Variants in WDR75 observed in about 807,000 individuals in gnomAD.
The protein encoded by WDR75 is WD repeat domain 75, also known as WD repeat-containing protein 75.
In WDR75, 52 loss-of-function variants were observed where a neutral mutation model predicts 106.1. That is an observed-to-expected ratio of 0.49 (90% CI 0.39 to 0.62). The LOEUF is 0.62. WDR75 is among the 20% of genes least tolerant of loss of function. WDR75 has a pLI of 0.00. For synonymous variants in WDR75, 333 were observed against 335.5 expected, an observed-to-expected ratio of 0.99 and a Z score of 0.08; for missense variants, 905 against 970.3, an observed-to-expected ratio of 0.93 and a Z score of 0.89.
intron 20 of WDR75, 110 bp downstream of exon 20, chr2:189,474,918 G>A (rs1687183409): frequency 2.2e-6 from 2 of 920,066 alleles, no homozygotes; most frequent in Admixed American, 5.5e-5. Flanking sequence ...TATTTCATAA[G>A]TTTTAAAATA....
chr2:189,441,926 G>A (rs1430771102), intron 1 of WDR75, among the ~76,000 whole-genome samples: 3 of 152,184 alleles, frequency 2.0e-5, no homozygotes, highest in Admixed American at 6.5e-5. Context: ...ACAGAATCAT[G>A]TTTTGGAGTG....
chr2:189,463,566 T>C, intron 9 of WDR75, 128 bp from the exon 10 acceptor site: 1 of 741,658 alleles, frequency 1.3e-6, no homozygotes, highest in South Asian at 1.9e-5. Flanking sequence ...AAAATAATAA[T>C]AATAATAATG....
At chr2:189,472,489 A>AT (rs1331642822) in intron 18 of WDR75, among the ~76,000 whole-genome samples, 1 of 151,844 alleles carries the variant, frequency 6.6e-6, no homozygotes, top group Non-Finnish European at 1.5e-5. Flanking sequence ...TGTTTTGCCT[A>AT]TTTTTTGTTT....
At position 189,455,305 on chromosome 2, in the gene WDR75, G is replaced by T; in HGVS notation, c.374-15G>T. The T allele has an allele frequency of 1.2e-6, 2 of 1,610,300 alleles. No homozygotes were observed. The highest frequency in any genetic ancestry group is 1.7e-6 in the Non-Finnish European group (2 of 1,178,988). ...TCTAGAGAAGCTTTATATTAATATA[G>T]CTTTCTTTGGCTAGATATATTTCAG... On this transcript the variant is annotated splice_polypyrimidine_tract_variant and intron_variant, in intron 4 of 20. Transcript: ENST00000314761.
intron 14 of WDR75, among the ~76,000 whole-genome samples, 188 bp downstream of exon 14, chr2:189,467,836 G>A (rs1221428334): frequency 3.3e-5 from 5 of 152,234 alleles, no homozygotes; most frequent in Non-Finnish European, 5.9e-5. Flanking sequence ...TGAAATTCAG[G>A]TTAACATTTA....
intron 18 of WDR75, among the ~76,000 whole-genome samples, chr2:189,473,362 A>G (rs1470846720): frequency 6.6e-6 from 1 of 152,242 alleles, no homozygotes; most frequent in Non-Finnish European, 1.5e-5. Context: ...TGGCAGAAAT[A>G]GAAGAAACTC....
chr2:189,474,418 T>A (rs1687172477), intron 19 of WDR75, 86 bp downstream of exon 19: 5 of 1,438,280 alleles, frequency 3.5e-6, no homozygotes, highest in Non-Finnish European at 4.7e-6. Flanking sequence ...AATCTGTAAT[T>A]TGTATGCTGT....
At chr2:189,454,496 C>G (rs1686692422) in intron 4 of WDR75, among the ~76,000 whole-genome samples, 1 of 151,840 alleles carries the variant, frequency 6.6e-6, no homozygotes, top group African/African-American at 2.4e-5. Context: ...TAAAATGCAC[C>G]AGTAAGATAC....
rs1326453514 is a variant in WDR75, at chr2:189,455,459, G to C, written c.498+15G>C. The C allele has an allele frequency of 3.8e-6, 6 of 1,599,944 alleles. No individual in the cohort carries two copies. In the African/African-American group the frequency reaches 6.8e-5, roughly 18 times the overall value. Reference sequence around the variant, plus strand: ...TTGGAAACGAGGTAAATTTTGTTTTGTTCGTTTTCTGTTTTGTACCTAAAA... The same window carrying C: ...TTGGAAACGAGGTAAATTTTGTTTTCTTCGTTTTCTGTTTTGTACCTAAAA... On this transcript the variant is annotated intron_variant, in intron 5 of 20. Transcript: ENST00000314761.
At chr2:189,443,072 A>G (rs186509271) in intron 1 of WDR75, among the ~76,000 whole-genome samples, 14 of 152,356 alleles carry the variant, frequency 9.2e-5, no homozygotes, top group African/African-American at 3.4e-4. Context: ...AACATGCTGC[A>G]GTGACAAAAA....
intron 4 of WDR75, among the ~76,000 whole-genome samples, chr2:189,453,200 G>A (rs1208237680): frequency 1.3e-5 from 2 of 152,080 alleles, no homozygotes; most frequent in African/African-American, 4.8e-5. Flanking sequence ...ATTTAAGTTC[G>A]GTTTCGTATG....
At chr2:189,442,936 G>A (rs919910638) in intron 1 of WDR75, among the ~76,000 whole-genome samples, 2 of 152,100 alleles carry the variant, frequency 1.3e-5, no homozygotes, top group African/African-American at 2.4e-5. Flanking sequence ...GTGACGCTTC[G>A]GACTCATATC....
At chr2:189,472,447 G>C (rs951768847) in intron 18 of WDR75, among the ~76,000 whole-genome samples, 1 of 152,138 alleles carries the variant, frequency 6.6e-6, no homozygotes, top group African/African-American at 2.4e-5. Flanking sequence ...TTTAGTGCTG[G>C]ACTTTCTAGA....
chr2:189,448,236 C>A, intron 1 of WDR75, 143 bp from the exon 2 acceptor site: 1 of 805,502 alleles, frequency 1.2e-6, no homozygotes, highest in Non-Finnish European at 1.8e-6. Flanking sequence ...GTAATCTCAG[C>A]ATTTTGGGAG....
At chr2:189,450,863 C>CT (rs1558982025) in intron 2 of WDR75, 40 bp from the exon 3 acceptor site, 15 of 1,592,912 alleles carry the variant, frequency 9.4e-6, no homozygotes, top group Admixed American at 7.4e-5. Context: ...TGATGAATTT[C>CT]TTTTTTTTAA....
At chr2:189,465,870 C>G (rs1460644013) in intron 12 of WDR75, among the ~76,000 whole-genome samples, 2 of 152,150 alleles carry the variant, frequency 1.3e-5, no homozygotes, top group Admixed American at 6.6e-5. Flanking sequence ...CAATCCTATG[C>G]TGCCTTGATG....
chr2:189,449,547 G>A (rs894045119), intron 2 of WDR75: 4 of 1,070,758 alleles, frequency 3.7e-6, no homozygotes, highest in East Asian at 7.0e-5. Flanking sequence ...CCAAAAAAAC[G>A]TATACACAAT....
intron 18 of WDR75, among the ~76,000 whole-genome samples, chr2:189,471,390 T>A (rs549124392): frequency 6.6e-6 from 1 of 152,342 alleles, no homozygotes; most frequent in East Asian, 1.9e-4. Context: ...TGGGTAAATG[T>A]TAAATTGGTT....
chr2:189,459,574 TCAGCA>T, intron 8 of WDR75, 150 bp downstream of exon 8: 1 of 719,586 alleles, frequency 1.4e-6, no homozygotes, highest in Non-Finnish European at 2.3e-6. Flanking sequence ...TGGGCTTTGC[TCAGCA>T]CAATATGCTT....
Sources: gnomAD v4.1 joint callset for allele counts (sites outside exome capture counted in the v4.1 genomes callset) on GRCh38, gnomAD v4.1.1 for gene constraint, MANE v1.5 for transcripts, NCBI Gene and HGNC (gene_info 2026-07-23, HGNC 2026-07-21) for gene names.